The following CFAP263 variants were observed in gnomAD, a reference collection of about 807,000 sequenced individuals.
The protein encoded by CFAP263 is cilia- and flagella-associated protein 263.
the CFAP263 span, chr16:58,262,625 G>T: frequency 1.5e-6 from 2 of 1,348,148 alleles, no homozygotes; most frequent in East Asian, 2.3e-5. Context: ...GTGCATTCCA[G>T]TTTCACACAG....
chr16:58,281,018 C>T, the CFAP263 span: 1 of 458,054 alleles, frequency 2.2e-6, no homozygotes, highest in South Asian at 3.7e-5. Flanking sequence ...CATTTTCTTG[C>T]CCCTTTCCAG....
the CFAP263 span, chr16:58,249,937 C>A: frequency 1.0e-6 from 1 of 971,722 alleles, no homozygotes; most frequent in Non-Finnish European, 1.6e-6. Context: ...CACCGCGTCG[C>A]AGCCGGAGTG....
the CFAP263 span, chr16:58,278,568 G>A: frequency 3.1e-6 from 5 of 1,613,416 alleles, no homozygotes; most frequent in Non-Finnish European, 3.4e-6. Context: ...CTTACGTCCG[G>A]GAGAAGATCT....
the CFAP263 span, chr16:58,279,932 G>T: frequency 1.5e-6 from 1 of 659,512 alleles, no homozygotes; most frequent in Non-Finnish European, 2.6e-6. Flanking sequence ...ATCTGCCCAT[G>T]GGGAGTGTTT....
At chr16:58,259,485 A>G in the CFAP263 span, among the ~76,000 whole-genome samples, 1 of 152,228 alleles carries the variant, frequency 6.6e-6, no homozygotes, top group Non-Finnish European at 1.5e-5. Context: ...CCTGGAGACA[A>G]GGTAGGGTTA....
the CFAP263 span, among the ~76,000 whole-genome samples, chr16:58,274,057 T>C: frequency 2.0e-5 from 3 of 152,244 alleles, no homozygotes; most frequent in African/African-American, 7.2e-5. Flanking sequence ...CACTCAGCCA[T>C]CAGCCTTCAT....
the CFAP263 span, chr16:58,279,556 A>G: frequency 2.9e-6 from 2 of 685,338 alleles, no homozygotes; most frequent in Non-Finnish European, 4.9e-6. Flanking sequence ...ACGCTGCCCC[A>G]CACAGGGTTG....
chr16:58,267,892 G>A, the CFAP263 span, among the ~76,000 whole-genome samples: 1 of 151,988 alleles, frequency 6.6e-6, no homozygotes, highest in South Asian at 2.1e-4. Context: ...TCGATGTTTC[G>A]TGTCTACAAC....
the CFAP263 span, chr16:58,278,566 C>A: frequency 6.2e-7 from 1 of 1,614,088 alleles, no homozygotes; most frequent in Non-Finnish European, 8.5e-7. Context: ...GACTTACGTC[C>A]GGGAGAAGAT....
the CFAP263 span, chr16:58,259,987 A>G: frequency 5.0e-6 from 6 of 1,204,518 alleles, no homozygotes; most frequent in Non-Finnish European, 7.2e-6. Context: ...TTACTGTGGT[A>G]GGCTGAATAA....
the CFAP263 span, chr16:58,267,472 A>G: frequency 6.2e-7 from 1 of 1,601,530 alleles, no homozygotes; most frequent in Non-Finnish European, 8.6e-7. Context: ...GTGTTGTTAT[A>G]TTTCAGAGCA....
At chr16:58,278,589 C>A in the CFAP263 span, 7 of 1,614,128 alleles carry the variant, frequency 4.3e-6, no homozygotes, top group Non-Finnish European at 5.9e-6. Flanking sequence ...TAAATGCGGA[C>A]CTGGAGAAGA....
chr16:58,256,700 C>T, the CFAP263 span, among the ~76,000 whole-genome samples: 1 of 152,246 alleles, frequency 6.6e-6, no homozygotes, highest in Non-Finnish European at 1.5e-5. Flanking sequence ...TGATGTTCTA[C>T]CATGTGGAGA....
chr16:58,253,670 T>A, the CFAP263 span, among the ~76,000 whole-genome samples: 2 of 152,340 alleles, frequency 1.3e-5, no homozygotes, highest in East Asian at 3.9e-4. Flanking sequence ...GCTCAGGAAG[T>A]ACCTCTGAGC....
chr16:58,275,964 A>G, the CFAP263 span, among the ~76,000 whole-genome samples: 1 of 152,246 alleles, frequency 6.6e-6, no homozygotes, highest in African/African-American at 2.4e-5. Context: ...CATGACATCA[A>G]TAAAGTGAGT....
chr16:58,283,103 C>T, the CFAP263 span: 2 of 152,292 alleles, frequency 1.3e-5, no homozygotes, highest in Admixed American at 1.3e-4. Flanking sequence ...TTTCCCTTGA[C>T]ATTCAGCAAA....
At chr16:58,261,737 A>C in the CFAP263 span, among the ~76,000 whole-genome samples, 24 of 152,298 alleles carry the variant, frequency 1.6e-4, no homozygotes, top group African/African-American at 4.8e-4. Flanking sequence ...CACAGACAGC[A>C]TGAGTGAGGC....
chr16:58,272,560 CAT>C, the CFAP263 span, among the ~76,000 whole-genome samples: 541 of 152,280 alleles, frequency 3.6e-3, 5 homozygotes, highest in Admixed American at 0.025. Context: ...TGTATCCAAA[CAT>C]ATCTAAACAT....
the CFAP263 span, among the ~76,000 whole-genome samples, chr16:58,272,805 C>T: frequency 8.8e-4 from 133 of 150,824 alleles, 1 homozygote; most frequent in Admixed American, 8.5e-3. Flanking sequence ...CTTTCTGGCA[C>T]CAGAAGATGC....
Sources: gnomAD v4.1 joint callset for allele counts (sites outside exome capture counted in the v4.1 genomes callset) on GRCh38, gnomAD v4.1.1 for gene constraint, MANE v1.5 for transcripts, NCBI Gene and HGNC (gene_info 2026-07-23, HGNC 2026-07-21) for gene names.